The following TRMT10A variants were observed in gnomAD, a reference collection of about 807,000 sequenced individuals.
The protein encoded by TRMT10A is tRNA methyltransferase 10A.
A neutral mutation model predicts 40.4 loss-of-function variants in TRMT10A; 37 were observed. The ratio of observed to expected loss-of-function variants is 0.92; its 90% confidence interval spans 0.71 to 1.21. The LOEUF (loss-of-function observed/expected upper bound fraction) is 1.21. Ranked by LOEUF, TRMT10A falls within the 50% of genes most tolerant of loss-of-function variation. The pLI, the probability that TRMT10A is intolerant of heterozygous loss-of-function variation, is 0.00. For missense variants in TRMT10A, 388 were observed against 404.3 expected, an observed-to-expected ratio of 0.96 and a Z score of 0.35; for synonymous variants, 103 against 134.1, an observed-to-expected ratio of 0.77 and a Z score of 1.60.
At chr4:99,556,943 A>G (rs988812937) in intron 4 of TRMT10A, among the ~76,000 whole-genome samples, 5 of 152,188 alleles carry the variant, frequency 3.3e-5, no homozygotes, top group Admixed American at 6.5e-5. Context: ...AAAAACCTTT[A>G]AGTAGACAAA....
intron 1 of TRMT10A, among the ~76,000 whole-genome samples, chr4:99,562,692 A>G (rs1243320176): frequency 1.3e-5 from 2 of 151,008 alleles, no homozygotes; most frequent in African/African-American, 4.9e-5. Context: ...CGCCCAGCTA[A>G]TTTTTGTTAT....
chr4:99,547,968 G>A lies in TRMT10A; in HGVS notation c.*1120C>T, dbSNP rs1356685197. 1 of 152,062 alleles carries A rather than the reference G, an allele frequency of 6.6e-6. No homozygotes were observed. 9.4% of individuals were successfully genotyped at this position (152,062 alleles called of 1,614,324 possible). On this transcript the variant is annotated 3_prime_UTR_variant, in exon 8 of 8. Transcript: ENST00000394876. The stretch of plus-strand genomic sequence containing the variant: ...CAATTACTGATAGGAAACTAAAACA[G>A]TTCCCTTTCACACTATTCTTTCTTG...
At chr4:99,558,801 C>T (rs974790974) in intron 2 of TRMT10A, among the ~76,000 whole-genome samples, 6 of 152,044 alleles carry the variant, frequency 3.9e-5, no homozygotes, top group Admixed American at 6.5e-5. Flanking sequence ...CCATAACTAG[C>T]ACACAGACAC....
At chr4:99,551,963 A>C (rs1723982712) in intron 6 of TRMT10A, among the ~76,000 whole-genome samples, 1 of 152,058 alleles carries the variant, frequency 6.6e-6, no homozygotes. Flanking sequence ...AAAATTAAGA[A>C]TAGAAAGAAG....
intron 1 of TRMT10A, 101 bp from the exon 2 acceptor site, chr4:99,559,462 T>C (rs1348257556): frequency 3.9e-6 from 3 of 762,868 alleles, no homozygotes; most frequent in South Asian, 5.0e-5. Flanking sequence ...AATAAAACTT[T>C]AGACAAATAA....
chr4:99,554,698 G>A lies in TRMT10A; in HGVS notation c.496-764C>T, dbSNP rs1240588315. ...ATTGCACCATTGCACTCCAGCCTGGGTGACAGTGCAAGCGACTACGTTTCA... is the reference window on the plus strand; with the variant it reads ...ATTGCACCATTGCACTCCAGCCTGGATGACAGTGCAAGCGACTACGTTTCA... On this transcript the variant is annotated intron_variant, in intron 5 of 7. Coordinates refer to ENST00000394876, the MANE Select transcript of TRMT10A (RefSeq NM_001134665.3). 2.3e-5 allele frequency among the ~76,000 whole-genome samples: 3 copies of A among 132,584 alleles called. No homozygotes were observed. The Admixed American group carries it at 2.6e-4, about 11-fold the overall frequency. 87.0% of individuals were successfully genotyped at this position (132,584 alleles called of 152,430 possible). A position where few individuals can be genotyped will look rare whatever the true frequency, so the allele number is the denominator to read the frequency against.
intron 1 of TRMT10A, among the ~76,000 whole-genome samples, chr4:99,562,261 G>A (rs1300766946): frequency 6.7e-6 from 1 of 149,186 alleles, no homozygotes; most frequent in Non-Finnish European, 1.5e-5. Flanking sequence ...TTAAAAATTT[G>A]TGGGGTTCAT....
chr4:99,558,338 A>ATTT, intron 2 of TRMT10A, 127 bp from the exon 3 acceptor site: 1 of 863,534 alleles, frequency 1.2e-6, no homozygotes, highest in Non-Finnish European at 1.7e-6. Flanking sequence ...TTCTGTGACC[A>ATTT]TTCAAAAATG....
At chr4:99,551,758 C>T (rs1394120520) in intron 6 of TRMT10A, among the ~76,000 whole-genome samples, 1 of 151,830 alleles carries the variant, frequency 6.6e-6, no homozygotes, top group African/African-American at 2.4e-5. Context: ...CAGGAGATGA[C>T]AGCTCCATGC....
intron 1 of TRMT10A, among the ~76,000 whole-genome samples, chr4:99,562,587 G>T (rs916887599): frequency 4.3e-5 from 6 of 139,076 alleles, no homozygotes; most frequent in Admixed American, 3.8e-4. Context: ...GTGCAGTGGC[G>T]CAATCTCGGC....
Position 99,547,244 on chromosome 4 carries a change from A to G in TRMT10A, c.*1844T>C, listed in dbSNP as rs922757369. The stretch of plus-strand genomic sequence containing the variant: ...TAAGGAACAGCAGGGATTGCTGGCA[A>G]CCACCAAAAGCCAGGAAGAGGCTAG... On this transcript the variant is annotated 3_prime_UTR_variant, in exon 8 of 8. Transcript: ENST00000394876. The G allele has an allele frequency of 1.4e-4, 21 of 152,172 alleles. No homozygotes were observed. The highest frequency in any genetic ancestry group is 4.3e-4 in the African/African-American group (18 of 41,440). 9.4% of individuals were successfully genotyped at this position (152,172 alleles called of 1,614,324 possible).
chr4:99,549,378 T>A, intron 7 of TRMT10A, 22 bp from the exon 8 acceptor site: 1 of 1,609,032 alleles, frequency 6.2e-7, no homozygotes, highest in Non-Finnish European at 8.5e-7. Flanking sequence ...ACATATTCCG[T>A]ACATTTCTTA....
Position 99,550,943 on chromosome 4 carries a change from C to T in TRMT10A, c.693G>A (p.Gln231=), listed in dbSNP as rs755903549. 1 of 1,613,072 alleles carries T rather than the reference C, an allele frequency of 6.2e-7. No individual in the cohort carries two copies. Among genetic ancestry groups the T allele is most frequent in the African/African-American group, 1.3e-5 (1 of 74,886 alleles). ...TCTTCACAAAATTTCCAAGTGGGAG[C>T]TGTGCATGATTGATTCCATAATCTG... ...QASDYGINHA[Q]LPLGNFVKMN... Residue 231 remains glutamine, a synonymous_variant, in exon 7 of 8, where the codon CAG becomes CAA. Transcript: ENST00000394876.
At chr4:99,550,091 T>C (rs1161094185) in intron 7 of TRMT10A, among the ~76,000 whole-genome samples, 3 of 117,904 alleles carry the variant, frequency 2.5e-5, no homozygotes, top group African/African-American at 1.4e-4. Flanking sequence ...TCAATGTTAT[T>C]TGCAACAGCA....
intron 6 of TRMT10A, among the ~76,000 whole-genome samples, chr4:99,551,249 C>T (rs1227684083): frequency 3.3e-5 from 5 of 152,102 alleles, no homozygotes; most frequent in African/African-American, 4.8e-5. Context: ...TGTTTCCTGC[C>T]GAGTTACAAA....
chr4:99,562,201 A>ATGTGTG (rs60133760), intron 1 of TRMT10A, among the ~76,000 whole-genome samples: 20,659 of 135,902 alleles, frequency 0.15, 1,958 homozygotes, highest in East Asian at 0.36. Flanking sequence ...ATATATATAT[A>ATGTGTG]TGTGTGTGTG....
intron 1 of TRMT10A, 133 bp downstream of exon 1, chr4:99,563,780 A>AC: frequency 2.0e-6 from 1 of 507,058 alleles, no homozygotes; most frequent in South Asian, 1.7e-5. Flanking sequence ...GCCGCAGGAA[A>AC]CCACTTCCAC....
chr4:99,550,779 G>A (rs928862273), intron 7 of TRMT10A, 106 bp downstream of exon 7: 3 of 711,730 alleles, frequency 4.2e-6, no homozygotes, highest in African/African-American at 1.9e-5. Flanking sequence ...TTACAATTTT[G>A]TCTCCAGGAA....
In TRMT10A at chr4:99,561,669, C is replaced by A. The variant is rs116360658; in HGVS notation, c.-24+2244G>T. Among the ~76,000 whole-genome samples the A allele has an allele frequency of 2.6e-5, 4 of 152,262 alleles. No individual in the cohort carries two copies. The South Asian group carries it at 8.3e-4, about 32-fold the overall frequency. ...ATAAGTATAATGTATATCTACACTGCACTATGTACTAGCGTGTTCAGATTA... is the reference window on the plus strand; with the variant it reads ...ATAAGTATAATGTATATCTACACTGAACTATGTACTAGCGTGTTCAGATTA... On this transcript the variant is annotated intron_variant, in intron 1 of 7. Transcript: ENST00000394876.
Sources: gnomAD v4.1 joint callset for allele counts (sites outside exome capture counted in the v4.1 genomes callset) on GRCh38, gnomAD v4.1.1 for gene constraint, MANE v1.5 for transcripts, NCBI Gene and HGNC (gene_info 2026-07-23, HGNC 2026-07-21) for gene names.